The following ALMS1 variants were observed in gnomAD, a reference collection of about 807,000 sequenced individuals.
ALMS1 encodes ALMS1 centrosome and basal body associated protein.
ALMS1 carries 271 observed loss-of-function variants against 352.2 expected under a neutral mutation model. That is an observed-to-expected ratio of 0.77 (90% confidence interval 0.70 to 0.85). The LOEUF (loss-of-function observed/expected upper bound fraction) is 0.85. Ranked by LOEUF, ALMS1 falls within the 40% of genes least tolerant of loss-of-function variation. The pLI is 0.00. For missense variants in ALMS1, 5,445 were observed against 4,870.7 expected (o/e 1.12, Z -3.51); for synonymous variants, 1,865 against 1,761.2 (o/e 1.06, Z -1.48).
At chr2:73,420,761 A>C (rs1037933516) in intron 3 of ALMS1, among the ~76,000 whole-genome samples, 1 of 152,214 alleles carries the variant, frequency 6.6e-6, no homozygotes, top group Non-Finnish European at 1.5e-5. Context: ...AGGGCAGAAC[A>C]TTTTAAATTA....
At chr2:73,521,801 A>G (rs1174396659) in intron 11 of ALMS1, among the ~76,000 whole-genome samples, 1 of 152,158 alleles carries the variant, frequency 6.6e-6, no homozygotes, top group Non-Finnish European at 1.5e-5. Flanking sequence ...CAAACGGATC[A>G]ATTTATAGAG....
intron 1 of ALMS1, among the ~76,000 whole-genome samples, chr2:73,405,505 G>A (rs1026789767): frequency 4.6e-5 from 7 of 151,476 alleles, no homozygotes; most frequent in Admixed American, 1.3e-4. Context: ...AGGTTTGTCA[G>A]TTTTGTTTAT....
intron 19 of ALMS1, 126 bp from the exon 20 acceptor site, chr2:73,602,059 A>T: frequency 1.0e-6 from 1 of 989,382 alleles, no homozygotes; most frequent in Non-Finnish European, 1.5e-6. Flanking sequence ...AACGCTAGAT[A>T]CTTTCTCGGC....
chr2:73,425,532 G>C (rs1671362432), intron 5 of ALMS1, among the ~76,000 whole-genome samples: 1 of 152,058 alleles, frequency 6.6e-6, no homozygotes, highest in Admixed American at 6.6e-5. Flanking sequence ...AAACCAAAAG[G>C]GAACTTCTCT....
intron 10 of ALMS1, among the ~76,000 whole-genome samples, chr2:73,517,680 A>G (rs953412598): frequency 3.3e-5 from 5 of 151,360 alleles, no homozygotes; most frequent in African/African-American, 1.2e-4. Flanking sequence ...TTTTGAAGAC[A>G]GAGTTTTGCT....
chr2:73,540,188 A>G (rs913401145), intron 12 of ALMS1, among the ~76,000 whole-genome samples: 20 of 152,010 alleles, frequency 1.3e-4, no homozygotes, highest in Non-Finnish European at 2.6e-4. Flanking sequence ...AGAAACTCCA[A>G]TCCAGAAGAG....
At chr2:73,502,729 G>C (rs561281496) in intron 10 of ALMS1, among the ~76,000 whole-genome samples, 1 of 152,020 alleles carries the variant, frequency 6.6e-6, no homozygotes, top group African/African-American at 2.4e-5. Flanking sequence ...TGTTGAAATT[G>C]TCATCTTTAC....
intron 15 of ALMS1, among the ~76,000 whole-genome samples, chr2:73,561,156 G>T (rs1674654173): frequency 6.6e-6 from 1 of 152,216 alleles, no homozygotes; most frequent in Non-Finnish European, 1.5e-5. Flanking sequence ...GTCTAGGCAC[G>T]GGCTTATCCC....
At chr2:73,464,170 G>T (rs556578455) in intron 9 of ALMS1, among the ~76,000 whole-genome samples, 1 of 152,166 alleles carries the variant, frequency 6.6e-6, no homozygotes, top group African/African-American at 2.4e-5. Context: ...CAATATCCCT[G>T]ATGAACATTG....
intron 10 of ALMS1, among the ~76,000 whole-genome samples, chr2:73,510,014 T>A (rs1452692296): frequency 6.6e-6 from 1 of 152,216 alleles, no homozygotes; most frequent in African/African-American, 2.4e-5. Flanking sequence ...GATTCAGCTA[T>A]TGATACTTAT....
At chr2:73,385,813 T>C, upstream of ALMS1, 1 of 673,328 alleles carries the variant, frequency 1.5e-6, no homozygotes, top group Non-Finnish European at 2.7e-6. Context: ...GGCTCTCCCC[T>C]TCCCCTCCCT....
intron 2 of ALMS1, among the ~76,000 whole-genome samples, chr2:73,417,709 G>C (rs569113382): frequency 2.6e-5 from 4 of 152,072 alleles, no homozygotes; most frequent in Admixed American, 6.5e-5. Context: ...AGGTTTAATT[G>C]GGGAAAATGA....
intron 11 of ALMS1, among the ~76,000 whole-genome samples, chr2:73,521,552 C>G (rs545023763): frequency 8.0e-6 from 1 of 124,766 alleles, no homozygotes; most frequent in African/African-American, 2.9e-5. Context: ...CTGGCTAACA[C>G]AATGAAACCC....
At chr2:73,558,898 C>T (rs762462279) in intron 14 of ALMS1, 74 bp from the exon 15 acceptor site, 46 of 1,466,920 alleles carry the variant, frequency 3.1e-5, no homozygotes, top group Middle Eastern at 1.9e-4. Context: ...TCACATAATA[C>T]GTACTTGAGA....
intron 16 of ALMS1, among the ~76,000 whole-genome samples, chr2:73,593,599 G>A (rs892710671): frequency 2.0e-5 from 3 of 152,040 alleles, no homozygotes; most frequent in South Asian, 2.1e-4. Flanking sequence ...TTTCCATGCC[G>A]TAAACTTTAC....
intron 13 of ALMS1, among the ~76,000 whole-genome samples, chr2:73,551,671 G>C (rs143985126): frequency 6.6e-6 from 1 of 151,704 alleles, no homozygotes; most frequent in Non-Finnish European, 1.5e-5. Flanking sequence ...CCAGACCTCA[G>C]ATGATCTGCC....
intron 10 of ALMS1, among the ~76,000 whole-genome samples, chr2:73,509,626 C>T (rs1295063817): frequency 1.3e-5 from 2 of 152,188 alleles, no homozygotes; most frequent in Non-Finnish European, 2.9e-5. Flanking sequence ...GCCAAGAGAT[C>T]TGCTGTTAGT....
intron 6 of ALMS1, among the ~76,000 whole-genome samples, chr2:73,428,915 A>G (rs1191774497): frequency 2.0e-5 from 3 of 151,732 alleles, no homozygotes; most frequent in Admixed American, 1.3e-4. Context: ...GTTCACTTTT[A>G]TATCTACTCC....
At position 73,419,203 on chromosome 2, in the gene ALMS1, G is replaced by A; in HGVS notation, c.531G>A (p.Val177=). 6.8e-6 allele frequency: 11 copies of A among 1,613,980 alleles called. No individual in the cohort carries two copies. The highest frequency in any genetic ancestry group is 9.3e-6 in the Non-Finnish European group (11 of 1,179,884). The change falls in exon 3 of 23, where the codon GTG becomes GTA. Residue 177 remains valine (V), a synonymous_variant. Coordinates refer to ENST00000613296, the MANE Select transcript of ALMS1 (RefSeq NM_001378454.1). ...ATACATCCCAGACTAGGTTTAATGTGAGAACGGAAGATACTGAAGTGACAG... is the reference window on the plus strand; with the variant it reads ...ATACATCCCAGACTAGGTTTAATGTAAGAACGGAAGATACTGAAGTGACAG... ...TLDTSQTRFN[V]RTEDTEVTDF...
Sources: gnomAD v4.1 joint callset for allele counts (sites outside exome capture counted in the v4.1 genomes callset) on GRCh38, gnomAD v4.1.1 for gene constraint, MANE v1.5 for transcripts, NCBI Gene and HGNC (gene_info 2026-07-23, HGNC 2026-07-21) for gene names.